ZNF804B: variants seen among roughly 807,000 people sequenced by gnomAD.
ZNF804B encodes zinc finger protein 804B, also known as zinc finger 804B.
A neutral mutation model predicts 101.4 loss-of-function variants in ZNF804B; 80 were observed. That is an observed-to-expected ratio of 0.79 (90% CI 0.66 to 0.95). The LOEUF (loss-of-function observed/expected upper bound fraction) is 0.95. Ranked by LOEUF, ZNF804B falls within the 40% of genes least tolerant of loss-of-function variation. ZNF804B has a pLI of 0.00. For synonymous variants in ZNF804B, 622 were observed against 558.8 expected (o/e 1.11, Z -1.59); for missense variants, 1,673 against 1,561.9 (o/e 1.07, Z -1.20).
chr7:89,252,539 TC>T (rs1189600441), intron 2 of ZNF804B, among the ~76,000 whole-genome samples: 1 of 152,096 alleles, frequency 6.6e-6, no homozygotes, highest in Non-Finnish European at 1.5e-5. Context: ...TGGGTGGATG[TC>T]CCAAAGAAAA....
At chr7:88,972,870 T>C (rs886109051) in intron 1 of ZNF804B, among the ~76,000 whole-genome samples, 2 of 151,406 alleles carry the variant, frequency 1.3e-5, no homozygotes, top group Non-Finnish European at 3.0e-5. Context: ...GGAGTACATA[T>C]AGCGTTATGA....
At chr7:89,245,652 G>A (rs1789431540) in intron 2 of ZNF804B, among the ~76,000 whole-genome samples, 1 of 152,106 alleles carries the variant, frequency 6.6e-6, no homozygotes, top group Non-Finnish European at 1.5e-5. Flanking sequence ...GTGGATTAGA[G>A]GCTTTTAGCA....
chr7:89,075,586 T>G (rs1789604629), intron 1 of ZNF804B, among the ~76,000 whole-genome samples: 2 of 152,196 alleles, frequency 1.3e-5, no homozygotes, highest in Admixed American at 1.3e-4. Context: ...GGGGTGGAGC[T>G]CTCATAGAGA....
rs184071505 is a variant in ZNF804B at position 89,045,394 on chromosome 7, A to G, written c.109-172761A>G. ...GGGCACTGCCTAGTAGAGCTGTTAG[A>G]AAAGGACCACCATTCTCCAGACCCC... is the stretch of plus-strand genomic sequence containing the variant. On this transcript the variant is annotated intron_variant, in intron 1 of 3. Transcript: ENST00000333190. Among the ~76,000 whole-genome samples the G allele has an allele frequency of 7.1e-4, 108 of 152,312 alleles. 1 individual carries two copies. The highest frequency in any genetic ancestry group is 2.4e-3 in the African/African-American group (100 of 41,580).
intron 1 of ZNF804B, among the ~76,000 whole-genome samples, chr7:88,924,079 A>G (rs1322416618): frequency 6.6e-6 from 1 of 152,090 alleles, no homozygotes; most frequent in African/African-American, 2.4e-5. Context: ...AGTTCCGAGA[A>G]TGGAGTTTCT....
At chr7:89,244,501 A>G (rs751831823) in intron 2 of ZNF804B, among the ~76,000 whole-genome samples, 3 of 152,126 alleles carry the variant, frequency 2.0e-5, no homozygotes, top group Non-Finnish European at 4.4e-5. Context: ...CCATTGCTGA[A>G]ATTGCACAAA....
At chr7:89,058,004 AAG>A (rs1221406365) in intron 1 of ZNF804B, among the ~76,000 whole-genome samples, 10 of 152,124 alleles carry the variant, frequency 6.6e-5, no homozygotes, top group African/African-American at 2.4e-4. Flanking sequence ...ATCCCAGAAA[AAG>A]AGAAACGTTC....
At position 88,855,056 on chromosome 7, in the gene ZNF804B, A is replaced by G. The variant is rs561211538; in HGVS notation, c.108+94972A>G. 4.2e-4 allele frequency among the ~76,000 whole-genome samples: 64 copies of G among 152,198 alleles called. 1 individual carries two copies. The highest frequency in any genetic ancestry group is 1.4e-3 in the African/African-American group (59 of 41,560). On this transcript the variant is annotated intron_variant, in intron 1 of 3. Coordinates refer to ENST00000333190, the MANE Select transcript of ZNF804B (RefSeq NM_181646.5). ...TCTTTGCTATTGTGAATAGTGCCAC[A>G]ATAAACATACCTGTGCATGTGTCTT...
intron 2 of ZNF804B, among the ~76,000 whole-genome samples, chr7:89,253,631 A>G (rs1789576468): frequency 6.6e-6 from 1 of 152,126 alleles, no homozygotes; most frequent in Admixed American, 6.5e-5. Flanking sequence ...GATGGTTTCA[A>G]GGTAAGATTT....
rs769146534 is a variant in ZNF804B at position 89,260,161 on chromosome 7, G to A, written c.249+41866G>A. Among the ~76,000 whole-genome samples the A allele has an allele frequency of 2.4e-4, 36 of 152,124 alleles. 1 individual carries two copies. The highest frequency in any genetic ancestry group is 6.6e-4 in the Admixed American group (10 of 15,258). On this transcript the variant is annotated intron_variant, in intron 2 of 3. Transcript: ENST00000333190. ...TGTCCAGGCTTTCTTGTGGTACAAC[G>A]AAGACTGCCAGCTGGTGCTTATTTT...
At chr7:89,310,416 G>T (rs868366979) in intron 2 of ZNF804B, among the ~76,000 whole-genome samples, 3 of 152,062 alleles carry the variant, frequency 2.0e-5, no homozygotes, top group African/African-American at 7.2e-5. Flanking sequence ...TATATAAGAT[G>T]AACATGATCT....
chr7:89,161,086 C>T (rs1001632131), intron 1 of ZNF804B, among the ~76,000 whole-genome samples: 12 of 152,102 alleles, frequency 7.9e-5, no homozygotes, highest in African/African-American at 2.9e-4. Context: ...GGTTAGGATT[C>T]TCTTCACCAA....
intron 1 of ZNF804B, among the ~76,000 whole-genome samples, chr7:88,884,050 T>C (rs1792082700): frequency 1.3e-5 from 2 of 151,946 alleles, no homozygotes; most frequent in South Asian, 4.1e-4. Context: ...ATGTCTAATC[T>C]CACTTTTTCT....
chr7:88,774,600 T>C (rs1438272142), intron 1 of ZNF804B, among the ~76,000 whole-genome samples: 2 of 152,214 alleles, frequency 1.3e-5, no homozygotes, highest in Non-Finnish European at 2.9e-5. Flanking sequence ...TAGAGGTATC[T>C]ATTCATCCTA....
chr7:89,316,440 A>G (rs1202872582), intron 2 of ZNF804B, among the ~76,000 whole-genome samples: 1 of 152,112 alleles, frequency 6.6e-6, no homozygotes, highest in East Asian at 1.9e-4. Flanking sequence ...CATAATATCA[A>G]ATATACCCGG....
chr7:89,037,012 A>G (rs1243238005), intron 1 of ZNF804B, among the ~76,000 whole-genome samples: 1 of 152,090 alleles, frequency 6.6e-6, no homozygotes, highest in East Asian at 1.9e-4. Context: ...TATAGCTGAC[A>G]TTTTCCTGCA....
intron 1 of ZNF804B, among the ~76,000 whole-genome samples, chr7:88,819,577 G>T (rs1003245774): frequency 3.3e-5 from 5 of 152,060 alleles, no homozygotes; most frequent in African/African-American, 1.2e-4. Context: ...TACCCATCTT[G>T]AATGTTTCCT....
chr7:89,268,175 C>G (rs1305526004), intron 2 of ZNF804B, among the ~76,000 whole-genome samples: 2 of 152,058 alleles, frequency 1.3e-5, no homozygotes, highest in Non-Finnish European at 2.9e-5. Context: ...TACTTGATTA[C>G]ATTGTCTTTG....
At chr7:88,811,757 G>A (rs1470693054) in intron 1 of ZNF804B, among the ~76,000 whole-genome samples, 1 of 152,170 alleles carries the variant, frequency 6.6e-6, no homozygotes, top group Non-Finnish European at 1.5e-5. Context: ...TCATTCATAA[G>A]TAGGAGCTGA....
Sources: gnomAD v4.1 joint callset for allele counts (sites outside exome capture counted in the v4.1 genomes callset) on GRCh38, gnomAD v4.1.1 for gene constraint, MANE v1.5 for transcripts, NCBI Gene and HGNC (gene_info 2026-07-23, HGNC 2026-07-21) for gene names.